CC2D2B: variants seen among roughly 807,000 people sequenced by gnomAD.
The protein encoded by CC2D2B is coiled-coil and C2 domain containing 2B.
Under a neutral mutation model 161.2 loss-of-function variants are expected in CC2D2B, and 128 were observed. The observed-to-expected ratio is 0.79, with a 90% CI of 0.69 to 0.92. The LOEUF is 0.92. Ranked by LOEUF, CC2D2B falls within the 40% of genes least tolerant of loss-of-function variation. The pLI is 0.00. For synonymous variants in CC2D2B, 391 were observed against 449.8 expected (o/e 0.87, Z 1.65); for missense variants, 1,173 against 1,375.1 (o/e 0.85, Z 2.32).
At chr10:96,030,149 T>C (rs1321841469) in intron 34 of CC2D2B, among the ~76,000 whole-genome samples, 1 of 152,116 alleles carries the variant, frequency 6.6e-6, no homozygotes, top group Non-Finnish European at 1.5e-5. Context: ...TTTCAATTTG[T>C]GGTTGGTTGA....
chr10:95,999,266 G>A (rs920370234), intron 24 of CC2D2B, among the ~76,000 whole-genome samples: 17 of 152,104 alleles, frequency 1.1e-4, no homozygotes, highest in African/African-American at 3.9e-4. Context: ...AAACATGCCT[G>A]TCAAGTTTTC....
At chr10:95,998,497 C>A (rs574451281) in intron 24 of CC2D2B, among the ~76,000 whole-genome samples, 2 of 152,144 alleles carry the variant, frequency 1.3e-5, no homozygotes, top group Non-Finnish European at 1.5e-5. Flanking sequence ...TAAAGAATGT[C>A]ATTGTGTACA....
chr10:95,962,648 TC>T (rs1187838634), intron 12 of CC2D2B, among the ~76,000 whole-genome samples: 4 of 152,030 alleles, frequency 2.6e-5, no homozygotes, highest in Non-Finnish European at 2.9e-5. Context: ...ACTAATTTTC[TC>T]CCCACAACCC....
chr10:95,924,856 TTC>T lies in CC2D2B; in HGVS notation c.240+16_240+17del. ...ATCAAAGGTCCAAGGTGAATAACTT[TTC>T]TCTTTTTTTACTTTTTAAAACAGCT... On this transcript the variant is annotated intron_variant, in intron 5 of 34. Coordinates refer to ENST00000646931, the MANE Select transcript of CC2D2B (RefSeq NM_001349008.3). The T allele has an allele frequency of 1.3e-6, 2 of 1,525,432 alleles. No homozygotes were observed. The highest frequency in any genetic ancestry group is 1.8e-6 in the Non-Finnish European group (2 of 1,124,480). 94.5% of individuals were successfully genotyped at this position (1,525,432 alleles called of 1,614,324 possible). A position where few individuals can be genotyped will look rare whatever the true frequency, so the allele number is the denominator to read the frequency against.
intron 9 of CC2D2B, among the ~76,000 whole-genome samples, chr10:95,941,056 G>A (rs4561134): frequency 0.24 from 35,954 of 151,788 alleles, 4,984 homozygotes; most frequent in East Asian, 0.63. Context: ...ACAGTCAAAT[G>A]ATCTTCAAGA....
chr10:95,911,760 GA>G (rs1248958354), intron 2 of CC2D2B, among the ~76,000 whole-genome samples: 3 of 152,130 alleles, frequency 2.0e-5, no homozygotes, highest in African/African-American at 7.2e-5. Flanking sequence ...ATGGAAATGA[GA>G]ACTTATGAAA....
chr10:96,023,092 TC>T (rs137860576), intron 32 of CC2D2B, among the ~76,000 whole-genome samples: 7,251 of 152,256 alleles, frequency 0.048, 242 homozygotes, highest in South Asian at 0.12. Context: ...TGGGCCTTTG[TC>T]CTCAGGGCAG....
In CC2D2B at chr10:96,004,242, A is replaced by G. The variant is rs767773889; in HGVS notation, c.2940A>G (p.Lys980=). The G allele has an allele frequency of 4.2e-6, 6 of 1,429,820 alleles. No individual in the cohort carries two copies. Among genetic ancestry groups the G allele is most frequent in the Non-Finnish European group, 4.8e-6 (5 of 1,046,294 alleles). The allele number at this position is 1,429,820 out of a possible 1,614,324, so 88.6% of individuals were successfully genotyped here. The change falls in exon 25 of 35, where the codon AAA becomes AAG. Residue 980 remains lysine, a synonymous_variant. Coordinates refer to ENST00000646931, the MANE Select transcript of CC2D2B (RefSeq NM_001349008.3). ...TTTTTGATGAAATGATGACTGAAAAACATGAGGTAAAGTAGAATAATTACA... is the reference window on the plus strand; with the variant it reads ...TTTTTGATGAAATGATGACTGAAAAGCATGAGGTAAAGTAGAATAATTACA... ...INIFDEMMTE[K]HEDHCLKSCS...
intron 17 of CC2D2B, among the ~76,000 whole-genome samples, chr10:95,980,792 T>G (rs1409743053): frequency 1.3e-5 from 2 of 152,176 alleles, no homozygotes; most frequent in African/African-American, 4.8e-5. Context: ...GTGCTCGTGT[T>G]TGGGCTAAGA....
intron 21 of CC2D2B, among the ~76,000 whole-genome samples, chr10:95,992,275 G>T (rs537313868): frequency 6.6e-6 from 1 of 152,176 alleles, no homozygotes; most frequent in African/African-American, 2.4e-5. Flanking sequence ...CCATGTCCAC[G>T]TATCTGTTTG....
chr10:95,924,906 G>A, intron 5 of CC2D2B, 62 bp downstream of exon 5: 1 of 1,022,684 alleles, frequency 9.8e-7, no homozygotes, highest in African/African-American at 1.6e-5. Flanking sequence ...AGTTTACATA[G>A]CAAAACTTCA....
chr10:95,982,036 A>C lies in CC2D2B; in HGVS notation c.2005A>C (p.Lys669Gln). 8.1e-7 allele frequency: 1 copy of C among 1,230,584 alleles called. No homozygotes were observed. 76.2% of individuals were successfully genotyped at this position (1,230,584 alleles called of 1,614,324 possible). A position where few individuals can be genotyped will look rare whatever the true frequency, so the allele number is the denominator to read the frequency against. ...PGIPWLMNEQKLFEWANEVRI... is the reference protein window; with the variant it reads ...PGIPWLMNEQQLFEWANEVRI... Reference sequence around the variant, plus strand: ...AATTCCATGGCTCATGAATGAACAGAAGCTTTTTGAATGGGCAAATGAAGT... The same window carrying C: ...AATTCCATGGCTCATGAATGAACAGCAGCTTTTTGAATGGGCAAATGAAGT... The change falls in exon 18 of 35, where the codon AAG becomes CAG. Residue 669 changes from lysine to glutamine, a missense_variant. Physicochemically the swap from Lys to Gln is moderately conservative, Grantham distance 53. Coordinates refer to ENST00000646931, the MANE Select transcript of CC2D2B (RefSeq NM_001349008.3).
chr10:96,028,795 T>C (rs1254141874), intron 34 of CC2D2B, among the ~76,000 whole-genome samples: 4 of 152,150 alleles, frequency 2.6e-5, no homozygotes, highest in African/African-American at 7.2e-5. Flanking sequence ...AGTTCAGCCA[T>C]AGAAAGGATG....
chr10:95,941,070 T>A (rs959023707), intron 9 of CC2D2B, among the ~76,000 whole-genome samples: 7 of 151,710 alleles, frequency 4.6e-5, no homozygotes, highest in African/African-American at 1.7e-4. Context: ...TTCAAGAGGG[T>A]GCCAAGACTA....
In CC2D2B at chr10:96,032,536, T is replaced by C. The variant is rs772903233; in HGVS notation, c.*528T>C. 6.8e-6 allele frequency: 2 copies of C among 294,474 alleles called. No individual in the cohort carries two copies. The highest frequency in any genetic ancestry group is 8.1e-5 in the East Asian group (1 of 12,330). 18.2% of individuals were successfully genotyped at this position (294,474 alleles called of 1,614,324 possible). On this transcript the variant is annotated 3_prime_UTR_variant, in exon 35 of 35. Coordinates refer to ENST00000646931, the MANE Select transcript of CC2D2B (RefSeq NM_001349008.3). ...CAGCCTTATAGAATGTTGTCACTAC[T>C]AAACTAAGGCTGGTACGTTTGATGC...
rs186184202 is a variant in CC2D2B at position 95,921,884 on chromosome 10, A to T, written c.37-132A>T. 952 of 508,708 alleles carry T rather than the reference A, an allele frequency of 1.9e-3. 1 individual carries two copies. Among genetic ancestry groups the T allele is most frequent in the Admixed American group, 2.8e-3 (82 of 29,206 alleles). The allele number at this position is 508,708 out of a possible 1,614,324, so 31.5% of individuals were successfully genotyped here. On this transcript the variant is annotated intron_variant, in intron 2 of 34. Coordinates refer to ENST00000646931, the MANE Select transcript of CC2D2B (RefSeq NM_001349008.3). Reference sequence around the variant, plus strand: ...ATGGGTGCAGCAACCAACATGGCACATGTATACCTATGTAACAAACCTGCA... The same window carrying T: ...ATGGGTGCAGCAACCAACATGGCACTTGTATACCTATGTAACAAACCTGCA...
At chr10:95,937,378 T>A (rs1323717847) in intron 6 of CC2D2B, among the ~76,000 whole-genome samples, 1 of 152,220 alleles carries the variant, frequency 6.6e-6, no homozygotes, top group Non-Finnish European at 1.5e-5. Context: ...ATTAAATTTA[T>A]GAGTATGATA....
intron 16 of CC2D2B, among the ~76,000 whole-genome samples, chr10:95,973,233 C>T (rs906602253): frequency 6.6e-6 from 1 of 151,952 alleles, no homozygotes; most frequent in Non-Finnish European, 1.5e-5. Flanking sequence ...TATGGAGACC[C>T]GGGACAAAAG....
chr10:95,927,093 A>G, intron 5 of CC2D2B, 144 bp from the exon 6 acceptor site: 1 of 543,422 alleles, frequency 1.8e-6, no homozygotes, highest in Non-Finnish European at 3.2e-6. Context: ...ACTCAAAGCT[A>G]AATATACCTT....
Sources: gnomAD v4.1 joint callset for allele counts (sites outside exome capture counted in the v4.1 genomes callset) on GRCh38, gnomAD v4.1.1 for gene constraint, MANE v1.5 for transcripts, NCBI Gene and HGNC (gene_info 2026-07-23, HGNC 2026-07-21) for gene names.